KCNMA1: variants seen among roughly 807,000 people sequenced by gnomAD.
KCNMA1 encodes the protein Calcium-activated potassium channel subunit alpha-1.
In KCNMA1, 29 loss-of-function variants were observed where a neutral mutation model predicts 140.0. The observed-to-expected ratio is 0.21, with a 90% CI of 0.15 to 0.28. The LOEUF (loss-of-function observed/expected upper bound fraction) is 0.28, where lower values mean the gene tolerates loss of function less well. KCNMA1 is among the 10% of genes least tolerant of loss of function. The probability of loss-of-function intolerance (pLI) is 1.00; values close to 1 mark genes in which losing one functional copy is unlikely to be tolerated. For synonymous variants in KCNMA1, 612 were observed against 611.9 expected, an observed-to-expected ratio of 1.00 and a Z score of 0.00; for missense variants, 880 against 1,602.2, an observed-to-expected ratio of 0.55 and a Z score of 7.70.
At chr10:77,196,598 G>T (rs568220544) in intron 3 of KCNMA1, among the ~76,000 whole-genome samples, 1 of 152,256 alleles carries the variant, frequency 6.6e-6, no homozygotes, top group African/African-American at 2.4e-5. Flanking sequence ...GGAGGAAAAA[G>T]GACTGTGGGA....
intron 1 of KCNMA1, among the ~76,000 whole-genome samples, chr10:77,486,953 G>A (rs2098468104): frequency 6.6e-6 from 1 of 152,200 alleles, no homozygotes; most frequent in Non-Finnish European, 1.5e-5. Flanking sequence ...CAAGTCCCCA[G>A]CTAAGCATCC....
chr10:76,901,978 A>G (rs1422640868), intron 25 of KCNMA1: 1 of 152,244 alleles, frequency 6.6e-6, no homozygotes, highest in Non-Finnish European at 1.5e-5. Flanking sequence ...CAGGATCTGA[A>G]TAATTTGGTG....
intron 14 of KCNMA1, among the ~76,000 whole-genome samples, chr10:77,045,977 T>C (rs2095030624): frequency 6.6e-6 from 1 of 152,174 alleles, no homozygotes; most frequent in African/African-American, 2.4e-5. Context: ...CAAATATACA[T>C]TATATTATGC....
chr10:77,439,076 G>GAAAGA (rs1257293710), intron 1 of KCNMA1, among the ~76,000 whole-genome samples: 1 of 113,476 alleles, frequency 8.8e-6, no homozygotes, highest in East Asian at 2.7e-4. Flanking sequence ...CTCAAAAAAA[G>GAAAGA]AAAGAAAAGA....
intron 20 of KCNMA1, among the ~76,000 whole-genome samples, chr10:76,966,166 C>T (rs1321209439): frequency 6.6e-6 from 1 of 152,188 alleles, no homozygotes; most frequent in Non-Finnish European, 1.5e-5. Context: ...ACAGTAGGCT[C>T]TCGCTAAATA....
intron 3 of KCNMA1, chr10:77,249,876 C>T (rs2059363102): frequency 6.6e-6 from 1 of 152,176 alleles, no homozygotes; most frequent in Non-Finnish European, 1.5e-5. Flanking sequence ...CATGTGGAAT[C>T]TTGTCTCCTG....
At chr10:77,045,002 T>C (rs758098984) in intron 14 of KCNMA1, among the ~76,000 whole-genome samples, 16 of 152,204 alleles carry the variant, frequency 1.1e-4, no homozygotes, top group Non-Finnish European at 2.1e-4. Context: ...AGCCTATGAC[T>C]TTACGAGACG....
intron 2 of KCNMA1, among the ~76,000 whole-genome samples, chr10:77,390,924 G>A (rs192042514): frequency 1.3e-5 from 2 of 152,252 alleles, no homozygotes; most frequent in Admixed American, 1.3e-4. Context: ...TGGGAAAGGG[G>A]TCTTTACTTT....
chr10:76,950,673 T>C (rs1293582455), intron 21 of KCNMA1, among the ~76,000 whole-genome samples: 1 of 152,188 alleles, frequency 6.6e-6, no homozygotes, highest in Non-Finnish European at 1.5e-5. Context: ...ATCTCTAGAA[T>C]TGACCACTGC....
At chr10:77,573,636 TGG>T (rs2072723830) in intron 1 of KCNMA1, among the ~76,000 whole-genome samples, 8 of 68,494 alleles carry the variant, frequency 1.2e-4, no homozygotes, top group African/African-American at 4.1e-4. Context: ...TGGAATGGAA[TGG>T]AATGGAATAG....
At chr10:77,620,251 T>C (rs961478468) in intron 1 of KCNMA1, among the ~76,000 whole-genome samples, 1 of 152,058 alleles carries the variant, frequency 6.6e-6, no homozygotes, top group African/African-American at 2.4e-5. Context: ...CCTCAGAGGC[T>C]GGGCCTGGCC....
At chr10:77,519,051 A>T (rs571906071) in intron 1 of KCNMA1, among the ~76,000 whole-genome samples, 1 of 152,368 alleles carries the variant, frequency 6.6e-6, no homozygotes, top group East Asian at 1.9e-4. Flanking sequence ...GTTACCAGAC[A>T]GTGCCATTGG....
In KCNMA1 at chr10:77,403,865, G is replaced by A. The variant is rs1429736923; in HGVS notation, c.537C>T (p.Val179=). 1 of 1,613,242 alleles carries A rather than the reference G, an allele frequency of 6.2e-7. No individual in the cohort carries two copies. Among genetic ancestry groups the A allele is most frequent in the Admixed American group, 1.7e-5 (1 of 59,998 alleles). ...TGAGAAGTGGGTGGAGACTCACCAG[G>A]ACTCTGCCAGTCAGTGTCTGGGCGG... is the stretch of plus-strand genomic sequence containing the variant. The part of the protein sequence containing the change: ...MISAQTLTGR[V]LVVLVFALSI... Residue 179 remains valine, a synonymous_variant, in exon 2 of 28, where the codon GTC becomes GTT. Transcript: ENST00000286628.
intron 5 of KCNMA1, among the ~76,000 whole-genome samples, chr10:77,174,858 CT>C (rs1208748304): frequency 2.0e-5 from 3 of 152,204 alleles, no homozygotes; most frequent in Non-Finnish European, 4.4e-5. Context: ...CTCATCCTGA[CT>C]GCACTTCAGA....
At chr10:77,272,795 A>G (rs1365681691) in intron 2 of KCNMA1, among the ~76,000 whole-genome samples, 1 of 152,222 alleles carries the variant, frequency 6.6e-6, no homozygotes, top group Non-Finnish European at 1.5e-5. Flanking sequence ...ATTATATGGC[A>G]GTGTTTCAAA....
chr10:76,970,137 C>A, intron 19 of KCNMA1, 70 bp from the exon 20 acceptor site: 1 of 1,168,274 alleles, frequency 8.6e-7, no homozygotes, highest in South Asian at 1.2e-5. Context: ...GGCAAAATAT[C>A]AAAGGACACA....
At chr10:77,064,028 C>T (rs1247762) in intron 14 of KCNMA1, 894,334 of 985,224 alleles carry the variant, frequency 0.91, 406,152 homozygotes, top group African/African-American at 0.98. Flanking sequence ...CTTCTCGGGC[C>T]CCATCCTCGC....
chr10:77,124,279 C>T (rs2097687678), intron 5 of KCNMA1, among the ~76,000 whole-genome samples: 1 of 152,128 alleles, frequency 6.6e-6, no homozygotes, highest in Non-Finnish European at 1.5e-5. Flanking sequence ...ATCGTATATC[C>T]ATTGCTGATT....
At chr10:77,034,816 C>T (rs745945230) in intron 15 of KCNMA1, among the ~76,000 whole-genome samples, 2 of 152,224 alleles carry the variant, frequency 1.3e-5, no homozygotes, top group Non-Finnish European at 2.9e-5. Flanking sequence ...ATTTTAAATA[C>T]ATCTTTTGTC....
Sources: allele counts gnomAD v4.1 joint callset (sites outside exome capture counted in the v4.1 genomes callset), GRCh38; gene constraint gnomAD v4.1.1; transcripts MANE v1.5; gene names NCBI Gene and HGNC (gene_info 2026-07-23, HGNC 2026-07-21).